Variants in ANO3 observed in about 807,000 individuals in gnomAD.
ANO3 encodes the protein anoctamin-3.
A neutral mutation model predicts 144.8 loss-of-function variants in ANO3; 99 were observed. That is an observed-to-expected ratio of 0.68 (90% CI 0.58 to 0.81). ANO3 has a LOEUF of 0.81. Ranked by LOEUF, ANO3 falls within the 30% of genes least tolerant of loss-of-function variation. The pLI is 0.00. For missense variants in ANO3, 905 were observed against 1,202.2 expected, an observed-to-expected ratio of 0.75 and a Z score of 3.66; for synonymous variants, 414 against 392.6, an observed-to-expected ratio of 1.05 and a Z score of -0.64.
At chr11:26,534,951 C>T (rs1238172547) in intron 9 of ANO3, among the ~76,000 whole-genome samples, 1 of 151,708 alleles carries the variant, frequency 6.6e-6, no homozygotes, top group African/African-American at 2.4e-5. Flanking sequence ...ATAAGTTAGG[C>T]TGTGTCCATG....
chr11:26,201,306 A>T (rs1026263884), intron 1 of ANO3, among the ~76,000 whole-genome samples: 1 of 152,170 alleles, frequency 6.6e-6, no homozygotes, highest in African/African-American at 2.4e-5. Context: ...GTAGGCCAAC[A>T]CTGAGTTTAA....
chr11:26,447,010 G>C (rs967419104), intron 3 of ANO3, among the ~76,000 whole-genome samples: 3 of 152,056 alleles, frequency 2.0e-5, no homozygotes, highest in African/African-American at 7.2e-5. Context: ...AGGAGTTTAA[G>C]ACCAGCATTA....
chr11:26,525,905 T>C (rs1849150309), intron 7 of ANO3, among the ~76,000 whole-genome samples: 1 of 152,070 alleles, frequency 6.6e-6, no homozygotes, highest in Non-Finnish European at 1.5e-5. Context: ...TCCCATGTTA[T>C]AATGTTATGG....
intron 17 of ANO3, among the ~76,000 whole-genome samples, chr11:26,621,201 G>A (rs1852404788): frequency 6.6e-6 from 1 of 152,034 alleles, no homozygotes; most frequent in South Asian, 2.1e-4. Context: ...CCCAAACAAG[G>A]CATTACTGGG....
At chr11:26,614,413 T>TG (rs761147402) in intron 17 of ANO3, among the ~76,000 whole-genome samples, 6 of 152,190 alleles carry the variant, frequency 3.9e-5, no homozygotes, top group Non-Finnish European at 7.3e-5. Context: ...GTCATGGTAC[T>TG]GTAGGCACTA....
intron 1 of ANO3, among the ~76,000 whole-genome samples, chr11:26,400,099 GT>G (rs1014313588): frequency 2.0e-5 from 3 of 149,160 alleles, no homozygotes; most frequent in African/African-American, 5.1e-5. Context: ...ACAAAGCAAA[GT>G]TTTTTTTGTT....
chr11:26,236,540 C>T (rs994540817), intron 1 of ANO3, among the ~76,000 whole-genome samples: 5 of 152,010 alleles, frequency 3.3e-5, no homozygotes, highest in Non-Finnish European at 5.9e-5. Flanking sequence ...AAAAATCGGC[C>T]GGGGGCCGCG....
intron 1 of ANO3, among the ~76,000 whole-genome samples, chr11:26,284,002 T>C (rs1028923407): frequency 3.3e-5 from 5 of 152,044 alleles, no homozygotes; most frequent in African/African-American, 1.2e-4. Context: ...ATTTGACCCA[T>C]GTGGGGGAAC....
intron 3 of ANO3, among the ~76,000 whole-genome samples, chr11:26,460,701 G>T (rs1859362865): frequency 1.2e-5 from 1 of 82,728 alleles, no homozygotes; most frequent in South Asian, 3.3e-4. Flanking sequence ...AGGAATTAAA[G>T]AAAAAAGTAA....
Position 26,624,491 on chromosome 11 carries a change from C to A in ANO3, c.1866C>A (p.Thr622=). ...LAYEKIAYLL[T]NLEYPRTESE... ...ATGAAAAAATTGCTTACCTCCTCAC[C>A]AATTTAGGTAAGTCCATTTTTCTTA... The change falls in exon 18 of 27, where the codon ACC becomes ACA. Residue 622 remains threonine (T), a synonymous_variant. Transcript: ENST00000256737. 1 of 1,604,042 alleles carries A rather than the reference C, an allele frequency of 6.2e-7. No homozygotes were observed. The highest frequency in any genetic ancestry group is 8.5e-7 in the Non-Finnish European group (1 of 1,171,816).
At chr11:26,458,079 G>C (rs1001447092) in intron 3 of ANO3, among the ~76,000 whole-genome samples, 2 of 152,074 alleles carry the variant, frequency 1.3e-5, no homozygotes, top group Non-Finnish European at 2.9e-5. Context: ...ATTTGGTATT[G>C]TAATTTAGTG....
chr11:26,652,155 G>A (rs1300876931), intron 24 of ANO3, among the ~76,000 whole-genome samples: 1 of 152,162 alleles, frequency 6.6e-6, no homozygotes, highest in Non-Finnish European at 1.5e-5. Flanking sequence ...TGCAAATGAA[G>A]GAAAATGAAC....
intron 1 of ANO3, among the ~76,000 whole-genome samples, chr11:26,202,430 C>T (rs916915189): frequency 6.7e-6 from 1 of 149,878 alleles, no homozygotes; most frequent in African/African-American, 2.4e-5. Flanking sequence ...ACAAATTAGG[C>T]ACAGTCTAGT....
intron 4 of ANO3, among the ~76,000 whole-genome samples, chr11:26,465,272 T>TTAGATAGATAGATAGATAGA (rs60663776): frequency 2.8e-4 from 41 of 146,426 alleles, no homozygotes; most frequent in East Asian, 6.2e-4. Flanking sequence ...ATGAACCTAT[T>TTAGATAGATAGATAGATAGA]TAGATAGATA....
chr11:26,451,686 C>A (rs1858946958), intron 3 of ANO3, among the ~76,000 whole-genome samples: 1 of 152,162 alleles, frequency 6.6e-6, no homozygotes, highest in Non-Finnish European at 1.5e-5. Context: ...ACAGCAGTAA[C>A]CTCTGCAGAC....
At chr11:26,656,522 C>T in intron 26 of ANO3, 41 bp downstream of exon 26, 2 of 1,275,496 alleles carry the variant, frequency 1.6e-6, no homozygotes, top group Non-Finnish European at 2.3e-6. Context: ...TAGATAAATG[C>T]TTTTCTAAAT....
Position 26,638,044 on chromosome 11 carries a change from C to T in ANO3, c.2044-1100C>T, listed in dbSNP as rs183129999. Among the ~76,000 whole-genome samples, 256 of 152,212 alleles carry T rather than the reference C, an allele frequency of 1.7e-3. 1 individual carries two copies. The highest frequency in any genetic ancestry group is 5.5e-3 in the African/African-American group (228 of 41,526). On this transcript the variant is annotated intron_variant, in intron 20 of 26. Coordinates refer to ENST00000256737, the MANE Select transcript of ANO3 (RefSeq NM_031418.4). The stretch of plus-strand genomic sequence containing the variant: ...TTGAAAATCTAAAAAAGCAGAAAAG[C>T]ACAGACGAAAGAATAGGATCATACT...
chr11:26,283,971 A>T (rs1184467717), intron 1 of ANO3, among the ~76,000 whole-genome samples: 2 of 152,216 alleles, frequency 1.3e-5, no homozygotes, highest in Admixed American at 1.3e-4. Flanking sequence ...AAAAGCAGTT[A>T]GGAGTCCTGA....
At chr11:26,495,308 C>G (rs1245220178) in intron 4 of ANO3, among the ~76,000 whole-genome samples, 1 of 140,400 alleles carries the variant, frequency 7.1e-6, no homozygotes, top group East Asian at 2.1e-4. Flanking sequence ...TAGGGTTTCT[C>G]TGTGTTGCCC....
Sources: allele counts gnomAD v4.1 joint callset (sites outside exome capture counted in the v4.1 genomes callset), GRCh38; gene constraint gnomAD v4.1.1; transcripts MANE v1.5; gene names NCBI Gene and HGNC (gene_info 2026-07-23, HGNC 2026-07-21).